NRXN3: variants seen among roughly 807,000 people sequenced by gnomAD.
NRXN3 encodes neurexin 3.
In NRXN3, 32 loss-of-function variants were observed where a neutral mutation model predicts 137.6. That is an observed-to-expected ratio of 0.23 (90% confidence interval 0.18 to 0.31). The LOEUF is 0.31. NRXN3 is among the 10% of genes least tolerant of loss of function. NRXN3 has a pLI of 1.00. For synonymous variants in NRXN3, 798 were observed against 784.5 expected (o/e 1.02, Z -0.29); for missense variants, 1,574 against 2,062.5 (o/e 0.76, Z 4.59).
intron 15 of NRXN3, among the ~76,000 whole-genome samples, chr14:79,236,453 T>G (rs986521423): frequency 6.6e-6 from 1 of 152,144 alleles, no homozygotes; most frequent in Non-Finnish European, 1.5e-5. Context: ...ATACACAAAT[T>G]TCTCAATATC....
chr14:79,046,553 C>A (rs1357421394), intron 15 of NRXN3, among the ~76,000 whole-genome samples: 1 of 152,144 alleles, frequency 6.6e-6, no homozygotes, highest in African/African-American at 2.4e-5. Flanking sequence ...CTGTATGCTT[C>A]TTCCAGTGAT....
intron 16 of NRXN3, among the ~76,000 whole-genome samples, chr14:79,635,726 G>T (rs528590835): frequency 1.5e-4 from 23 of 152,154 alleles, no homozygotes; most frequent in Non-Finnish European, 2.2e-4. Flanking sequence ...CTGCTTTGAA[G>T]AAATACTGGA....
intron 19 of NRXN3, among the ~76,000 whole-genome samples, chr14:79,713,693 A>C (rs1354333314): frequency 6.7e-6 from 1 of 149,992 alleles, no homozygotes; most frequent in African/African-American, 2.4e-5. Context: ...CTCTAACCCA[A>C]GGCAAAATGT....
intron 4 of NRXN3, among the ~76,000 whole-genome samples, chr14:78,490,017 C>A (rs1041767637): frequency 6.6e-6 from 1 of 151,798 alleles, no homozygotes; most frequent in Non-Finnish European, 1.5e-5. Flanking sequence ...TGGGTTCAAG[C>A]GATTCTCCTG....
chr14:78,250,051 C>T, intron 2 of NRXN3: 1 of 512,408 alleles, frequency 2.0e-6, no homozygotes. Flanking sequence ...TCTTGAAACC[C>T]TCGCAACCAC....
intron 17 of NRXN3, among the ~76,000 whole-genome samples, chr14:79,690,773 G>A (rs2098713579): frequency 6.6e-6 from 1 of 152,020 alleles, no homozygotes; most frequent in Non-Finnish European, 1.5e-5. Flanking sequence ...TTCCCAGGTG[G>A]AATCTCCTCA....
chr14:79,619,752 C>T (rs221500), intron 16 of NRXN3, among the ~76,000 whole-genome samples: 40,326 of 151,740 alleles, frequency 0.27, 6,075 homozygotes, highest in African/African-American at 0.41. Flanking sequence ...TAAGAGATAC[C>T]AAATACAGGT....
chr14:78,228,196 C>A (rs200780661), intron 1 of NRXN3, among the ~76,000 whole-genome samples: 2 of 142,580 alleles, frequency 1.4e-5, no homozygotes, highest in East Asian at 4.1e-4. Flanking sequence ...CTCACTCTGT[C>A]GCCCAGGCTG....
chr14:78,412,127 A>G (rs2092870040), intron 4 of NRXN3, among the ~76,000 whole-genome samples: 1 of 152,206 alleles, frequency 6.6e-6, no homozygotes, highest in Non-Finnish European at 1.5e-5. Context: ...GTGCTCACTG[A>G]TAGACATTTC....
intron 4 of NRXN3, among the ~76,000 whole-genome samples, chr14:78,543,614 G>A (rs913243013): frequency 2.0e-5 from 3 of 152,068 alleles, no homozygotes; most frequent in Non-Finnish European, 4.4e-5. Context: ...ATTTAGTGAG[G>A]TTAAGATAAA....
intron 1 of NRXN3, among the ~76,000 whole-genome samples, chr14:78,179,832 C>CT (rs2059637167): frequency 1.2e-4 from 12 of 100,288 alleles, no homozygotes; most frequent in Non-Finnish European, 1.9e-4. Flanking sequence ...TTGTTTGTTT[C>CT]TGTTTTTTTG....
intron 10 of NRXN3, among the ~76,000 whole-genome samples, chr14:78,910,647 G>A (rs1378069728): frequency 6.6e-6 from 1 of 151,978 alleles, no homozygotes; most frequent in Non-Finnish European, 1.5e-5. Flanking sequence ...CTAGCCCTGG[G>A]CTTTATTTCA....
rs1031299248 is a variant in NRXN3, at chr14:79,156,078, A to G, written c.3262+167937A>G. Among the ~76,000 whole-genome samples, 8 of 151,966 alleles carry G rather than the reference A, an allele frequency of 5.3e-5. No homozygotes were observed. In the South Asian group the frequency reaches 1.2e-3, roughly 24 times the overall value. Reference sequence around the variant, plus strand: ...ACTTCTTTAAACCAAAGTTTCCATTATAGATAATAAAACAACCATCACAAC... The same window carrying G: ...ACTTCTTTAAACCAAAGTTTCCATTGTAGATAATAAAACAACCATCACAAC... On this transcript the variant is annotated intron_variant, in intron 15 of 20. Coordinates refer to ENST00000335750, the MANE Select transcript of NRXN3 (RefSeq NM_001330195.2).
intron 4 of NRXN3, among the ~76,000 whole-genome samples, chr14:78,510,760 A>T (rs775416172): frequency 6.6e-6 from 1 of 152,130 alleles, no homozygotes; most frequent in African/African-American, 2.4e-5. Flanking sequence ...ACTAAATTTC[A>T]TGGAAATTCT....
intron 16 of NRXN3, among the ~76,000 whole-genome samples, chr14:79,517,027 A>G (rs964744449): frequency 2.0e-5 from 3 of 151,360 alleles, no homozygotes; most frequent in Admixed American, 1.3e-4. Context: ...AGGTATATGC[A>G]TTTGTAATTT....
chr14:78,822,221 G>A (rs535772936), intron 10 of NRXN3, among the ~76,000 whole-genome samples: 58 of 152,158 alleles, frequency 3.8e-4, no homozygotes, highest in Non-Finnish European at 6.5e-4. Flanking sequence ...TATATGAAGT[G>A]CATGCACTTG....
chr14:78,355,945 G>A (rs1216459468), intron 4 of NRXN3, among the ~76,000 whole-genome samples: 1 of 152,210 alleles, frequency 6.6e-6, no homozygotes, highest in Non-Finnish European at 1.5e-5. Context: ...ATTCAGGTTT[G>A]TTCCATTTGT....
At chr14:79,339,512 G>A (rs1010869187) in intron 15 of NRXN3, among the ~76,000 whole-genome samples, 6 of 152,206 alleles carry the variant, frequency 3.9e-5, no homozygotes, top group South Asian at 4.1e-4. Flanking sequence ...GCATATTTTC[G>A]TGTCTTACTA....
At chr14:79,135,345 A>T (rs1233402662) in intron 15 of NRXN3, among the ~76,000 whole-genome samples, 1 of 152,116 alleles carries the variant, frequency 6.6e-6, no homozygotes, top group Non-Finnish European at 1.5e-5. Flanking sequence ...CTTTCATATA[A>T]ATATATATAT....
Sources: gnomAD v4.1 joint callset for allele counts (sites outside exome capture counted in the v4.1 genomes callset) on GRCh38, gnomAD v4.1.1 for gene constraint, MANE v1.5 for transcripts, NCBI Gene and HGNC (gene_info 2026-07-23, HGNC 2026-07-21) for gene names.